The following NLRP7 variants were observed in gnomAD, a reference collection of about 807,000 sequenced individuals.
NLRP7 encodes NACHT, LRR and PYD domains-containing protein 7.
Under a neutral mutation model 85.5 loss-of-function variants are expected in NLRP7, and 72 were observed. The ratio of observed to expected loss-of-function variants is 0.84; its 90% CI spans 0.70 to 1.02. The LOEUF is 1.02. NLRP7 is among the 50% of genes least tolerant of loss of function. NLRP7 has a pLI of 0.00. For missense variants in NLRP7, 1,243 were observed against 1,219.5 expected (o/e 1.02, Z -0.29); for synonymous variants, 550 against 505.2 (o/e 1.09, Z -1.19).
chr19:54,932,748 C>G (rs921979610), intron 8 of NLRP7, among the ~76,000 whole-genome samples: 5 of 151,866 alleles, frequency 3.3e-5, no homozygotes, highest in African/African-American at 1.2e-4. Flanking sequence ...CTCTGCCTCC[C>G]AGATTCAAGC....
At chr19:54,964,419 T>C (rs1001513751) in intron 1 of NLRP7, among the ~76,000 whole-genome samples, 8 of 150,896 alleles carry the variant, frequency 5.3e-5, no homozygotes, top group Non-Finnish European at 8.9e-5. Context: ...GGTTTCACCG[T>C]GTTAGCCAGG....
At chr19:54,941,621 C>T (rs1365312095) in exon 2 of NLRP7, 1 of 1,613,938 alleles carries the variant, frequency 6.2e-7, no homozygotes, top group Non-Finnish European at 8.5e-7. Flanking sequence ...AGGGGAAAAG[C>T]CCATAAAAGG....
At position 54,956,438 on chromosome 19, in the gene NLRP7, C is replaced by T. The variant is rs573723725; in HGVS notation, c.-76-8933G>A. On this transcript the variant is annotated intron_variant, in intron 1 of 2. Transcript: ENST00000587103. ...GGTATGGTGGTTCATGCCTGTCATT[C>T]CAGGATTTTGGGAGGCCAAGGCAGG... Among the ~76,000 whole-genome samples, 37 of 152,182 alleles carry T rather than the reference C, an allele frequency of 2.4e-4. No homozygotes were observed. In the South Asian group the frequency reaches 7.7e-3, roughly 32 times the overall value.
rs1275768173 is a variant in NLRP7, at chr19:54,927,597, AC to A, written c.2810+2901del. ...AAAACAAAACAAAACAAAACAAAAA[AC>A]CCATACCTGAGTATCTTCAAGGATC... On this transcript the variant is annotated intron_variant, in intron 9 of 9. Transcript: ENST00000340844. 3 of 1,613,296 alleles carry A rather than the reference AC, an allele frequency of 1.9e-6. No individual in the cohort carries two copies. Among genetic ancestry groups the A allele is most frequent in the Non-Finnish European group, 2.5e-6 (3 of 1,179,668 alleles).
At position 54,942,255 on chromosome 19, in the gene NLRP7, C is replaced by CAAA. The variant is rs576434793; in HGVS notation, c.-39-508_-39-506dup. ...TGGGCGACAGAGCGAGACTCCGTCT[C>CAAA]AAAAAAAAAAAAAAAAAAAAAAAAA... On this transcript the variant is annotated intron_variant, in intron 1 of 9. Transcript: ENST00000340844. Among the ~76,000 whole-genome samples, 32 of 59,412 alleles carry CAAA rather than the reference C, an allele frequency of 5.4e-4. 1 individual carries two copies. Among genetic ancestry groups the CAAA allele is most frequent in the Admixed American group, 7.7e-4 (3 of 3,916 alleles). 39.0% of individuals were successfully genotyped at this position (59,412 alleles called of 152,430 possible).
intron 1 of NLRP7, among the ~76,000 whole-genome samples, chr19:54,962,745 G>C (rs938419704): frequency 2.0e-5 from 3 of 150,372 alleles, no homozygotes; most frequent in Admixed American, 1.3e-4. Flanking sequence ...GACTACAGGC[G>C]CCCGCCACCA....
intron 1 of NLRP7, among the ~76,000 whole-genome samples, chr19:54,953,762 G>A (rs770414960): frequency 6.6e-6 from 1 of 151,850 alleles, no homozygotes; most frequent in Non-Finnish European, 1.5e-5. Flanking sequence ...CAGCACTTTC[G>A]GGGGCTGAGG....
exon 2 of NLRP7, chr19:54,941,635 T>C (rs2069231229): frequency 6.2e-7 from 1 of 1,613,956 alleles, no homozygotes; most frequent in Admixed American, 1.7e-5. Context: ...TAAAAGGGAT[T>C]TGAAACTCTT....
intron 9 of NLRP7, among the ~76,000 whole-genome samples, chr19:54,928,193 C>T (rs901507710): frequency 2.0e-5 from 3 of 152,128 alleles, no homozygotes; most frequent in African/African-American, 7.2e-5. Context: ...GCACTCCAGC[C>T]TGGGCAATAG....
At chr19:54,939,444 C>T in exon 4 of NLRP7, 2 of 1,614,042 alleles carry the variant, frequency 1.2e-6, no homozygotes, top group Non-Finnish European at 1.7e-6. Flanking sequence ...CCTTTGGAGA[C>T]TCTGTCCTGG....
chr19:54,927,771 A>C (rs776999801), intron 9 of NLRP7: 1 of 1,613,908 alleles, frequency 6.2e-7, no homozygotes, highest in South Asian at 1.1e-5. Flanking sequence ...GAGCAGCTCC[A>C]GAGGCTGTTG....
At chr19:54,923,863 G>A in exon 10 of NLRP7, 1 of 1,613,828 alleles carries the variant, frequency 6.2e-7, no homozygotes, top group Non-Finnish European at 8.5e-7. Flanking sequence ...TAGTTTCATA[G>A]GTCTTCAACC....
intron 9 of NLRP7, among the ~76,000 whole-genome samples, chr19:54,924,625 A>AAATTT: frequency 6.6e-6 from 1 of 152,020 alleles, no homozygotes; most frequent in Non-Finnish European, 1.5e-5. Flanking sequence ...CATGCCTTTA[A>AAATTT]AAAATAAATT....
chr19:54,938,945 G>A (rs773825082), exon 4 of NLRP7: 2 of 1,614,002 alleles, frequency 1.2e-6, no homozygotes, highest in South Asian at 2.2e-5. Flanking sequence ...CACCCCCTTT[G>A]CTACCTGCAG....
At chr19:54,927,178 C>G (rs571647726) in intron 9 of NLRP7, among the ~76,000 whole-genome samples, 1 of 151,840 alleles carries the variant, frequency 6.6e-6, no homozygotes, top group Non-Finnish European at 1.5e-5. Flanking sequence ...CACCTGAGGT[C>G]AGGAGTTCAA....
chr19:54,944,486 G>A (rs373094717), intron 1 of NLRP7, among the ~76,000 whole-genome samples: 2 of 151,966 alleles, frequency 1.3e-5, no homozygotes, highest in African/African-American at 2.4e-5. Context: ...CCCCGTCTCC[G>A]AGATGGTAGA....
At chr19:54,933,310 T>C (rs1242148619) in intron 8 of NLRP7, among the ~76,000 whole-genome samples, 1 of 151,998 alleles carries the variant, frequency 6.6e-6, no homozygotes. Context: ...CACACCTGGC[T>C]AATTTTTGGT....
intron 8 of NLRP7, 132 bp downstream of exon 8, chr19:54,933,437 G>A (rs772621535): frequency 1.2e-4 from 144 of 1,165,730 alleles, no homozygotes; most frequent in Middle Eastern, 2.4e-4. Flanking sequence ...GAGCCACCAC[G>A]CCTGGCCTCT....
Position 54,934,539 on chromosome 19 carries a change from C to A in NLRP7, c.2421G>T (p.Met807Ile). Residue 807 changes from methionine to isoleucine, a missense_variant, in exon 7 of 10, where the codon ATG (methionine) becomes ATT (isoleucine). Met to Ile is a conservative substitution (Grantham distance 10, BLOSUM62 1). This residue lies in a region of NLRP7 where 613 missense variants were observed against 588.4 expected (regional missense o/e 1.04). Transcript: ENST00000340844. The surrounding 1 kb of genome is among the most constrained non-coding windows in gnomAD (Gnocchi z 6.7). ...GGCGTGTCATGGTCTTGTACAGCAA[C>A]ATGGCACCCTCATCCAGGAGCACAT... 1 of 1,614,172 alleles carries A rather than the reference C, an allele frequency of 6.2e-7. No individual in the cohort carries two copies. Among genetic ancestry groups the A allele is most frequent in the Non-Finnish European group, 8.5e-7 (1 of 1,180,024 alleles).
Sources: gnomAD v4.1 joint callset for allele counts (sites outside exome capture counted in the v4.1 genomes callset) on GRCh38, gnomAD v4.1.1 for gene constraint, gnomAD v4.1.1 regional missense constraint, Gnocchi (gnomAD v3.1) non-coding constraint, MANE v1.5 for transcripts, NCBI Gene and HGNC (gene_info 2026-07-23, HGNC 2026-07-21) for gene names.